Variants in FIGN observed in about 807,000 individuals in gnomAD.
FIGN encodes the protein fidgetin.
In FIGN, 11 loss-of-function variants were observed where a neutral mutation model predicts 51.3. The observed-to-expected ratio is 0.21, with a 90% CI of 0.13 to 0.35. The LOEUF is 0.35. FIGN is among the 10% of genes least tolerant of loss of function. FIGN has a pLI of 1.00. For synonymous variants in FIGN, 407 were observed against 363.2 expected, an observed-to-expected ratio of 1.12 and a Z score of -1.37; for missense variants, 857 against 943.6, an observed-to-expected ratio of 0.91 and a Z score of 1.20.
chr2:163,610,516 G>C lies in FIGN; in HGVS notation c.1316C>G (p.Ser439Cys), dbSNP rs145250494. ...GAGTCCAGGGCCTTGCATTGGGTGA[G>C]AGAGGAGCTGCCTGTGCTCGTCCCC... is the stretch of plus-strand genomic sequence containing the variant. ...EHGDEHRQLL[S>C]HPMQGPGLRA... is the part of the protein sequence containing the mutation. The change falls in exon 3 of 3, where the codon TCT becomes TGT. Residue 439 changes from serine (S) to cysteine (C), a missense_variant. Transcript: ENST00000333129. The C allele has an allele frequency of 1.2e-6, 2 of 1,614,164 alleles. No individual in the cohort carries two copies. Among genetic ancestry groups the C allele is most frequent in the African/African-American group, 2.7e-5 (2 of 75,016 alleles).
At chr2:163,701,884 C>T (rs1684413135) in intron 2 of FIGN, among the ~76,000 whole-genome samples, 1 of 152,094 alleles carries the variant, frequency 6.6e-6, no homozygotes, top group African/African-American at 2.4e-5. Context: ...GAGCTAGCAC[C>T]TTCTGGTGTA....
chr2:163,734,431 T>C (rs1422049198), intron 2 of FIGN, among the ~76,000 whole-genome samples: 1 of 151,542 alleles, frequency 6.6e-6, no homozygotes, highest in Non-Finnish European at 1.5e-5. Context: ...CATTAATAGA[T>C]TGAGAAAAAT....
chr2:163,719,382 A>G (rs965866191), intron 2 of FIGN, among the ~76,000 whole-genome samples: 7 of 152,152 alleles, frequency 4.6e-5, no homozygotes, highest in Middle Eastern at 3.2e-3. Context: ...TAAGCAATAC[A>G]TACACAGACA....
intron 2 of FIGN, among the ~76,000 whole-genome samples, chr2:163,715,494 C>G (rs756227998): frequency 1.2e-4 from 18 of 152,284 alleles, no homozygotes; most frequent in Non-Finnish European, 2.4e-4. Flanking sequence ...CAGGAATGGA[C>G]TCTGACAGCC....
intron 2 of FIGN, chr2:163,617,146 C>T (rs1174849189): frequency 1.0e-6 from 1 of 985,062 alleles, no homozygotes; most frequent in East Asian, 1.1e-4. Context: ...TCAGCCCATT[C>T]CCCGATCATT....
intron 2 of FIGN, among the ~76,000 whole-genome samples, chr2:163,716,611 T>C (rs1573969171): frequency 6.6e-6 from 1 of 152,188 alleles, no homozygotes; most frequent in African/African-American, 2.4e-5. Flanking sequence ...GATTCAAAGA[T>C]AATGTTCATT....
chr2:163,719,611 C>T (rs1416958045), intron 2 of FIGN, among the ~76,000 whole-genome samples: 2 of 152,166 alleles, frequency 1.3e-5, no homozygotes, highest in African/African-American at 4.8e-5. Flanking sequence ...AATTTCTGCA[C>T]AGCAGATGGT....
chr2:163,714,338 A>C (rs114056945), intron 2 of FIGN, among the ~76,000 whole-genome samples: 3,307 of 152,296 alleles, frequency 0.022, 49 homozygotes, highest in Non-Finnish European at 0.036. Flanking sequence ...CATGTGTACA[A>C]GTAAGCAGCA....
chr2:163,643,932 CAAAAAA>C lies in FIGN; in HGVS notation c.26-32132_26-32127del, dbSNP rs1162234909. ...GGGCAACAAGAGCGAAACTCTGTCT[CAAAAAA>C]AAAAAAAAAAAAAAAAAAAAGTCAG... On this transcript the variant is annotated intron_variant, in intron 2 of 2. Coordinates refer to ENST00000333129, the MANE Select transcript of FIGN (RefSeq NM_018086.4). 3.7e-4 allele frequency among the ~76,000 whole-genome samples: 7 copies of C among 19,078 alleles called. 1 individual carries two copies. The highest frequency in any genetic ancestry group is 6.8e-3 in the South Asian group (2 of 292). 12.5% of individuals were successfully genotyped at this position (19,078 alleles called of 152,430 possible).
At chr2:163,705,981 C>A (rs1214418010) in intron 2 of FIGN, among the ~76,000 whole-genome samples, 1 of 152,090 alleles carries the variant, frequency 6.6e-6, no homozygotes, top group African/African-American at 2.4e-5. Context: ...TGCAAGAAAA[C>A]CTTGCTGAAA....
At chr2:163,695,330 T>C (rs1239362821) in intron 2 of FIGN, among the ~76,000 whole-genome samples, 1 of 152,076 alleles carries the variant, frequency 6.6e-6, no homozygotes, top group Non-Finnish European at 1.5e-5. Context: ...TTGTGATTTG[T>C]TATTGCCTCT....
At chr2:163,621,970 A>G (rs1271576420) in intron 2 of FIGN, among the ~76,000 whole-genome samples, 1 of 152,142 alleles carries the variant, frequency 6.6e-6, no homozygotes, top group Non-Finnish European at 1.5e-5. Context: ...GTTATGATGC[A>G]AAATGCCATT....
intron 2 of FIGN, among the ~76,000 whole-genome samples, chr2:163,685,566 A>G (rs1018308033): frequency 2.0e-5 from 3 of 152,212 alleles, no homozygotes; most frequent in African/African-American, 7.2e-5. Context: ...GTAGAGGCTC[A>G]TGATTTTAGA....
Position 163,607,731 on chromosome 2 carries a change from A to G in FIGN, c.*1821T>C, listed in dbSNP as rs1007996676. 3.3e-5 allele frequency: 5 copies of G among 152,642 alleles called. No individual in the cohort carries two copies. The highest frequency in any genetic ancestry group is 7.3e-5 in the Non-Finnish European group (5 of 68,048). 9.5% of individuals were successfully genotyped at this position (152,642 alleles called of 1,614,324 possible). A position where few individuals can be genotyped will look rare whatever the true frequency, so the allele number is the denominator to read the frequency against. On this transcript the variant is annotated 3_prime_UTR_variant, in exon 3 of 3. Coordinates refer to ENST00000333129, the MANE Select transcript of FIGN (RefSeq NM_018086.4). ...TGTTACTGCATCTCTAAACTAAAAA[A>G]AGAAAAGGGGAAAAAACCCAGGAAA...
In FIGN at chr2:163,625,305, T is replaced by C. The variant is rs373295190; in HGVS notation, c.26-13499A>G. Among the ~76,000 whole-genome samples, 23 of 152,030 alleles carry C rather than the reference T, an allele frequency of 1.5e-4. No homozygotes were observed. In the East Asian group the frequency reaches 3.9e-3, roughly 26 times the overall value. On this transcript the variant is annotated intron_variant, in intron 2 of 2. Transcript: ENST00000333129. Reference sequence around the variant, plus strand: ...CATTTCTATCACTAAGCTAAAACATTAAAAAAATGGACATTCTGAAAGAAA... The same window carrying C: ...CATTTCTATCACTAAGCTAAAACATCAAAAAAATGGACATTCTGAAAGAAA...
intron 2 of FIGN, chr2:163,612,314 T>A (rs1412277688): frequency 7.1e-6 from 7 of 985,376 alleles, no homozygotes; most frequent in Non-Finnish European, 8.4e-6. Flanking sequence ...AGCTGACAGA[T>A]CACATCTAGG....
At chr2:163,708,587 G>C (rs759558033) in intron 2 of FIGN, among the ~76,000 whole-genome samples, 2 of 152,098 alleles carry the variant, frequency 1.3e-5, no homozygotes, top group Non-Finnish European at 2.9e-5. Context: ...AGAGGATATG[G>C]GCTTCCAACT....
chr2:163,661,585 T>C (rs1683685043), intron 2 of FIGN, among the ~76,000 whole-genome samples: 1 of 152,112 alleles, frequency 6.6e-6, no homozygotes, highest in Non-Finnish European at 1.5e-5. Flanking sequence ...TTAGTAGAGA[T>C]GTCATTTCAC....
At chr2:163,625,140 T>C (rs897577928) in intron 2 of FIGN, among the ~76,000 whole-genome samples, 1 of 152,108 alleles carries the variant, frequency 6.6e-6, no homozygotes, top group African/African-American at 2.4e-5. Flanking sequence ...AAGAATTTTA[T>C]GACTGATAAT....
Sources: allele counts gnomAD v4.1 joint callset (sites outside exome capture counted in the v4.1 genomes callset), GRCh38; gene constraint gnomAD v4.1.1; transcripts MANE v1.5; gene names NCBI Gene and HGNC (gene_info 2026-07-23, HGNC 2026-07-21).